CAST: variants seen among roughly 807,000 people sequenced by gnomAD.
The protein encoded by CAST is MIR583 host.
A neutral mutation model predicts 119.6 loss-of-function variants in CAST; 76 were observed. That is an observed-to-expected ratio of 0.64 (90% confidence interval 0.53 to 0.77). CAST has a LOEUF of 0.77. CAST is among the 30% of genes least tolerant of loss of function. The pLI, the probability that CAST is intolerant of heterozygous loss-of-function variation, is 0.00. For missense variants in CAST, 953 were observed against 946.5 expected (o/e 1.01, Z -0.09); for synonymous variants, 319 against 331.6 (o/e 0.96, Z 0.41).
the CAST span, among the ~76,000 whole-genome samples, chr5:96,365,286 A>C: frequency 6.6e-6 from 1 of 150,526 alleles, no homozygotes; most frequent in Non-Finnish European, 1.5e-5. Flanking sequence ...GGTGCTGAGA[A>C]GAATGTATAA....
chr5:96,215,460 T>A, the CAST span: 1 of 152,202 alleles, frequency 6.6e-6, no homozygotes, highest in African/African-American at 2.4e-5. Flanking sequence ...ATATCTGGCT[T>A]ATGAGAAAAT....
chr5:96,626,247 C>A (rs1371373210), intron 1 of CAST, among the ~76,000 whole-genome samples: 1 of 152,162 alleles, frequency 6.6e-6, no homozygotes, highest in Non-Finnish European at 1.5e-5. Flanking sequence ...CCTGTGCTAC[C>A]ACCAATGGCC....
the CAST span, among the ~76,000 whole-genome samples, chr5:96,287,730 T>C: frequency 2.0e-5 from 3 of 149,796 alleles, no homozygotes; most frequent in East Asian, 5.8e-4. Flanking sequence ...CACACTTATA[T>C]AGGTAGTGGC....
At chr5:96,560,336 A>C (rs1746331222) in intron 1 of CAST, among the ~76,000 whole-genome samples, 1 of 152,062 alleles carries the variant, frequency 6.6e-6, no homozygotes, top group Admixed American at 6.5e-5. Context: ...CAATGGCAAC[A>C]AAAGCCAAAA....
At chr5:96,374,795 T>C in the CAST span, among the ~76,000 whole-genome samples, 6 of 152,046 alleles carry the variant, frequency 3.9e-5, no homozygotes, top group Non-Finnish European at 5.9e-5. Flanking sequence ...CACAGAGAGA[T>C]AGATTTTCTG....
At chr5:96,323,241 A>G in the CAST span, among the ~76,000 whole-genome samples, 1 of 152,200 alleles carries the variant, frequency 6.6e-6, no homozygotes, top group Non-Finnish European at 1.5e-5. Context: ...TACATAACAC[A>G]TTTGGTGCCT....
At chr5:96,305,042 G>T in the CAST span, among the ~76,000 whole-genome samples, 1 of 152,196 alleles carries the variant, frequency 6.6e-6, no homozygotes, top group African/African-American at 2.4e-5. Context: ...ACTTTGGGCA[G>T]TACGGCCATT....
the CAST span, among the ~76,000 whole-genome samples, chr5:96,419,157 G>C: frequency 6.6e-6 from 1 of 151,672 alleles, no homozygotes; most frequent in East Asian, 1.9e-4. Flanking sequence ...ATTTTAACCA[G>C]AATAAGGGTA....
the CAST span, among the ~76,000 whole-genome samples, chr5:96,452,653 AAAAAAAAAAAAAAG>A: frequency 1.6e-4 from 24 of 146,208 alleles, no homozygotes; most frequent in African/African-American, 5.1e-4. Flanking sequence ...AAAAAAAAAA[AAAAAAAAAAAAAAG>A]AGGCCGGGCG....
At chr5:96,014,135 T>C in the CAST span, among the ~76,000 whole-genome samples, 1 of 149,624 alleles carries the variant, frequency 6.7e-6, no homozygotes, top group Non-Finnish European at 1.5e-5. Flanking sequence ...TATATGCTTT[T>C]TTGTATTCAT....
chr5:96,578,983 G>A (rs1220998039), intron 1 of CAST, among the ~76,000 whole-genome samples: 4 of 152,134 alleles, frequency 2.6e-5, no homozygotes, highest in Non-Finnish European at 4.4e-5. Flanking sequence ...AGCGTCCACT[G>A]GTTCCTGCCA....
the CAST span, among the ~76,000 whole-genome samples, chr5:96,351,874 A>G: frequency 2.0e-5 from 3 of 152,166 alleles, no homozygotes; most frequent in African/African-American, 7.2e-5. Flanking sequence ...AAATGTAGAA[A>G]GAAATGGAAA....
chr5:96,084,096 C>T, the CAST span, among the ~76,000 whole-genome samples: 1 of 152,120 alleles, frequency 6.6e-6, no homozygotes, highest in East Asian at 1.9e-4. Context: ...AATTAGGCTT[C>T]CTATGATTGC....
the CAST span, among the ~76,000 whole-genome samples, chr5:96,501,135 A>C: frequency 7.4e-3 from 1,128 of 152,338 alleles, 11 homozygotes; most frequent in African/African-American, 0.026. Context: ...CCATATCTAG[A>C]TTAAAAAGTT....
chr5:96,325,628 T>C, the CAST span, among the ~76,000 whole-genome samples: 134,161 of 151,894 alleles, frequency 0.88, 59,453 homozygotes, highest in Non-Finnish European at 0.92. Flanking sequence ...TACAGGTGCA[T>C]GCTACCACGT....
chr5:96,205,047 G>A, the CAST span, among the ~76,000 whole-genome samples: 341 of 152,048 alleles, frequency 2.2e-3, 3 homozygotes, highest in African/African-American at 7.7e-3. Flanking sequence ...AACAACTGAC[G>A]TGACAAGGAC....
intron 1 of CAST, among the ~76,000 whole-genome samples, chr5:96,649,023 A>G (rs1748058938): frequency 6.6e-6 from 1 of 152,208 alleles, no homozygotes; most frequent in South Asian, 2.1e-4. Flanking sequence ...ATTAATAGGA[A>G]TAGAGGTACT....
chr5:96,612,906 G>A (rs879684490), intron 1 of CAST, among the ~76,000 whole-genome samples: 1 of 152,072 alleles, frequency 6.6e-6, no homozygotes, highest in Non-Finnish European at 1.5e-5. Context: ...TAAATACACA[G>A]TACATGTAAT....
the CAST span, among the ~76,000 whole-genome samples, chr5:96,330,793 T>C: frequency 0.025 from 3,762 of 152,302 alleles, 169 homozygotes; most frequent in African/African-American, 0.086. Flanking sequence ...TCTTGTGTTC[T>C]GAACCCAGGG....
Sources: gnomAD v4.1 joint callset for allele counts (sites outside exome capture counted in the v4.1 genomes callset) on GRCh38, gnomAD v4.1.1 for gene constraint, MANE v1.5 for transcripts, NCBI Gene and HGNC (gene_info 2026-07-23, HGNC 2026-07-21) for gene names.